GXYLT2: variants seen among roughly 807,000 people sequenced by gnomAD.
GXYLT2 encodes glycosyltransferase 8 domain containing 4.
A neutral mutation model predicts 45.8 loss-of-function variants in GXYLT2; 53 were observed. That is an observed-to-expected ratio of 1.16 (90% confidence interval 0.93 to 1.46). The LOEUF (loss-of-function observed/expected upper bound fraction) is 1.46, where lower values mean the gene tolerates loss of function less well. Ranked by LOEUF, GXYLT2 falls within the 40% of genes most tolerant of loss-of-function variation. The pLI, the probability that GXYLT2 is intolerant of heterozygous loss-of-function variation, is 0.00. For missense variants in GXYLT2, 551 were observed against 544.4 expected, an observed-to-expected ratio of 1.01 and a Z score of -0.12; for synonymous variants, 219 against 214.2, an observed-to-expected ratio of 1.02 and a Z score of -0.19.
At chr3:72,891,119 G>A (rs1432115410) in intron 1 of GXYLT2, among the ~76,000 whole-genome samples, 1 of 152,082 alleles carries the variant, frequency 6.6e-6, no homozygotes, top group Non-Finnish European at 1.5e-5. Context: ...TTCATTTAGG[G>A]AGGGAAGAGA....
chr3:72,900,240 G>A (rs1709378335), intron 1 of GXYLT2, among the ~76,000 whole-genome samples: 1 of 152,146 alleles, frequency 6.6e-6, no homozygotes, highest in Non-Finnish European at 1.5e-5. Flanking sequence ...ACTTTTAAGC[G>A]ATTAAGGAGA....
chr3:72,951,771 G>A (rs2107137598), intron 3 of GXYLT2, among the ~76,000 whole-genome samples: 1 of 152,220 alleles, frequency 6.6e-6, no homozygotes, highest in East Asian at 1.9e-4. Flanking sequence ...TCCTAATTTT[G>A]AAATTAGAAT....
At position 72,908,519 on chromosome 3, in the gene GXYLT2, T is replaced by A; in HGVS notation, c.428T>A (p.Ile143Asn). 1 of 1,613,528 alleles carries A rather than the reference T, an allele frequency of 6.2e-7. No homozygotes were observed. Among genetic ancestry groups the A allele is most frequent in the East Asian group, 2.2e-5 (1 of 44,900 alleles). Residue 143 changes from isoleucine (I) to asparagine (N), a missense_variant, in exon 2 of 7, where the codon ATC becomes AAC. Coordinates refer to ENST00000389617, the MANE Select transcript of GXYLT2 (RefSeq NM_001080393.2). ...AGCCACAGGAAGATCCAATTCCACA[T>A]CTTCACTGAAGACTCTCTGAAGCCC... ...LFSHRKIQFH[I>N]FTEDSLKPEF...
At chr3:72,916,592 T>G (rs1381306787) in intron 2 of GXYLT2, among the ~76,000 whole-genome samples, 1 of 152,044 alleles carries the variant, frequency 6.6e-6, no homozygotes, top group African/African-American at 2.4e-5. Flanking sequence ...CAGGCTGGAG[T>G]GTAGTGGCGT....
chr3:72,913,858 G>A (rs1276835345), intron 2 of GXYLT2, among the ~76,000 whole-genome samples: 2 of 152,108 alleles, frequency 1.3e-5, no homozygotes, highest in African/African-American at 2.4e-5. Context: ...CATCTGTGTC[G>A]TGGGGCAAAT....
chr3:72,888,062 C>T lies in GXYLT2; in HGVS notation c.-172C>T, dbSNP rs1374689673. 1 of 204,214 alleles carries T rather than the reference C, an allele frequency of 4.9e-6. No homozygotes were observed. The highest frequency in any genetic ancestry group is 2.4e-5 in the African/African-American group (1 of 41,974). The allele number at this position is 204,214 out of a possible 1,614,324, so 12.7% of individuals were successfully genotyped here. ...CTCCCCCTCCTCTCCTCTCTCTCCT[C>T]CTCCTTCGCCGTCGCCGCCGCCGCC... On this transcript the variant is annotated 5_prime_UTR_variant, in exon 1 of 7. Transcript: ENST00000389617.
chr3:72,958,914 C>T (rs1463580853), intron 5 of GXYLT2, among the ~76,000 whole-genome samples: 1 of 150,878 alleles, frequency 6.6e-6, no homozygotes, highest in Non-Finnish European at 1.5e-5. Context: ...TTGTAGGCAT[C>T]AGCCACGGTG....
chr3:72,906,459 CTATGT>C (rs1371468492), intron 1 of GXYLT2, among the ~76,000 whole-genome samples: 1 of 152,184 alleles, frequency 6.6e-6, no homozygotes, highest in Non-Finnish European at 1.5e-5. Flanking sequence ...TCCTGCTTCA[CTATGT>C]ATTACCTTCA....
intron 6 of GXYLT2, among the ~76,000 whole-genome samples, chr3:72,968,710 G>A (rs980252459): frequency 2.6e-5 from 4 of 152,244 alleles, no homozygotes; most frequent in South Asian, 4.1e-4. Flanking sequence ...GGTGGATCAC[G>A]AGGTCAGGAG....
chr3:72,934,615 T>A (rs1007198660), intron 3 of GXYLT2, among the ~76,000 whole-genome samples: 1 of 152,188 alleles, frequency 6.6e-6, no homozygotes, highest in Non-Finnish European at 1.5e-5. Flanking sequence ...CATTTATGTT[T>A]GAAAAGCAGT....
At chr3:72,912,442 C>G (rs150804282) in intron 2 of GXYLT2, among the ~76,000 whole-genome samples, 3 of 152,208 alleles carry the variant, frequency 2.0e-5, no homozygotes, top group African/African-American at 7.2e-5. Context: ...TGCCACCATG[C>G]CTTGCCTGTT....
At chr3:72,925,952 C>G (rs1304124246) in intron 3 of GXYLT2, among the ~76,000 whole-genome samples, 1 of 152,178 alleles carries the variant, frequency 6.6e-6, no homozygotes, top group Non-Finnish European at 1.5e-5. Flanking sequence ...ATCACAACAG[C>G]AGATTATGAA....
chr3:72,903,168 C>T (rs367567114), intron 1 of GXYLT2, among the ~76,000 whole-genome samples: 8 of 152,182 alleles, frequency 5.3e-5, no homozygotes, highest in African/African-American at 1.9e-4. Context: ...ATTGGAGTCT[C>T]AATGTTTACT....
chr3:72,904,531 T>A (rs1395064410), intron 1 of GXYLT2, among the ~76,000 whole-genome samples: 1 of 152,114 alleles, frequency 6.6e-6, no homozygotes, highest in Non-Finnish European at 1.5e-5. Context: ...TGTGAATGAT[T>A]GTCGTCCCTA....
intron 1 of GXYLT2, among the ~76,000 whole-genome samples, chr3:72,894,740 A>T (rs1041828915): frequency 6.6e-6 from 1 of 152,228 alleles, no homozygotes; most frequent in African/African-American, 2.4e-5. Context: ...TTGCATGAAG[A>T]TTGCCAGGTG....
intron 5 of GXYLT2, among the ~76,000 whole-genome samples, chr3:72,957,728 G>T (rs1049357968): frequency 2.6e-5 from 4 of 152,170 alleles, no homozygotes; most frequent in African/African-American, 9.6e-5. Context: ...GAAGGGAATT[G>T]ATTCTCAGGG....
chr3:72,919,335 A>G (rs1476477399), intron 2 of GXYLT2, among the ~76,000 whole-genome samples: 1 of 152,256 alleles, frequency 6.6e-6, no homozygotes, highest in East Asian at 1.9e-4. Context: ...TCAAGCCACA[A>G]AAAGACATGT....
Position 72,955,306 on chromosome 3 carries a change from T to A in GXYLT2, c.809T>A (p.Val270Asp). The change falls in exon 4 of 7, where the codon GTC becomes GAC. Residue 270 changes from valine to aspartate, a missense_variant. Coordinates refer to ENST00000389617, the MANE Select transcript of GXYLT2 (RefSeq NM_001080393.2). ...GGCTCTGCAGGAGTTAATTCAGGAG[T>A]CATGTTAATGAATTTAACTCGGATA... Reference protein sequence around the residue: ...FYGSAGVNSGVMLMNLTRIRS... With the variant: ...FYGSAGVNSGDMLMNLTRIRS... 6.2e-7 allele frequency: 1 copy of A among 1,613,742 alleles called. No homozygotes were observed. Among genetic ancestry groups the A allele is most frequent in the Non-Finnish European group, 8.5e-7 (1 of 1,179,762 alleles).
rs1447628549 is a variant in GXYLT2 at position 72,975,929 on chromosome 3, T to TC, written c.*770_*771insC. ...TATTTCTTCTTTTTCTTTCTTTCTT[T>TC]TTTTTTTTTTTTTTTTTTTTGAGAC... On this transcript the variant is annotated 3_prime_UTR_variant, in exon 7 of 7. Transcript: ENST00000389617. 3 of 15,170 alleles carry TC rather than the reference T, an allele frequency of 2.0e-4. No individual in the cohort carries two copies. Among genetic ancestry groups the TC allele is most frequent in the South Asian group, 1.5e-3 (1 of 682 alleles). The allele number at this position is 15,170 out of a possible 1,614,324, so 0.9% of individuals were successfully genotyped here.
Sources: gnomAD v4.1 joint callset for allele counts (sites outside exome capture counted in the v4.1 genomes callset) on GRCh38, gnomAD v4.1.1 for gene constraint, MANE v1.5 for transcripts, NCBI Gene and HGNC (gene_info 2026-07-23, HGNC 2026-07-21) for gene names.